SGCD: variants seen among roughly 807,000 people sequenced by gnomAD.
SGCD encodes sarcoglycan delta, also known as delta-sarcoglycan.
In SGCD, 18 loss-of-function variants were observed where a neutral mutation model predicts 36.6. That is an observed-to-expected ratio of 0.49 (90% CI 0.34 to 0.73). SGCD has a LOEUF of 0.73. Ranked by LOEUF, SGCD falls within the 30% of genes least tolerant of loss-of-function variation. The probability of loss-of-function intolerance (pLI) is 0.01; values close to 1 mark genes in which losing one functional copy is unlikely to be tolerated. For synonymous variants in SGCD, 133 were observed against 130.6 expected, an observed-to-expected ratio of 1.02 and a Z score of -0.12; for missense variants, 387 against 346.7, an observed-to-expected ratio of 1.12 and a Z score of -0.92.
chr5:156,535,165 T>G (rs10515740), intron 4 of SGCD, among the ~76,000 whole-genome samples: 18,765 of 152,254 alleles, frequency 0.12, 1,327 homozygotes, highest in Admixed American at 0.17. Context: ...TCAGAGATTT[T>G]TTTTCAGAAT....
intron 1 of SGCD, among the ~76,000 whole-genome samples, chr5:156,116,918 G>T (rs957945539): frequency 2.6e-5 from 4 of 152,158 alleles, no homozygotes; most frequent in East Asian, 1.9e-4. Flanking sequence ...TGGCTTGGGG[G>T]TTGGGCAGTA....
intron 4 of SGCD, among the ~76,000 whole-genome samples, chr5:156,524,225 AAG>A (rs1169961958): frequency 1.1e-4 from 13 of 118,030 alleles, no homozygotes; most frequent in African/African-American, 3.7e-4. Context: ...TATATATATA[AAG>A]AGAGAGTAAT....
At chr5:155,834,806 A>G in the SGCD span, among the ~76,000 whole-genome samples, 1 of 149,742 alleles carries the variant, frequency 6.7e-6, no homozygotes, top group Non-Finnish European at 1.5e-5. Context: ...CCACCCTACC[A>G]GTTGTCTGTG....
chr5:156,109,557 A>G (rs531570868), intron 1 of SGCD, among the ~76,000 whole-genome samples: 1 of 152,290 alleles, frequency 6.6e-6, no homozygotes, highest in Non-Finnish European at 1.5e-5. Flanking sequence ...TCCTCAAAAT[A>G]TGCAACTCAT....
intron 3 of SGCD, among the ~76,000 whole-genome samples, chr5:156,388,485 G>T (rs752339905): frequency 1.1e-4 from 17 of 152,186 alleles, no homozygotes; most frequent in East Asian, 1.9e-4. Flanking sequence ...ATTTGCAAGG[G>T]CCTGAAGGTA....
At chr5:156,249,687 G>A (rs1229295804) in intron 3 of SGCD, among the ~76,000 whole-genome samples, 1 of 150,106 alleles carries the variant, frequency 6.7e-6, no homozygotes, top group Non-Finnish European at 1.5e-5. Flanking sequence ...AAAGGAATTG[G>A]GATAAAACAA....
chr5:155,834,892 G>A, the SGCD span, among the ~76,000 whole-genome samples: 2 of 150,384 alleles, frequency 1.3e-5, no homozygotes, highest in African/African-American at 4.9e-5. Context: ...CTGCAGTGCA[G>A]TGGTGCAGTC....
At chr5:155,841,010 C>CAAA in the SGCD span, among the ~76,000 whole-genome samples, 29,207 of 60,804 alleles carry the variant, frequency 0.48, 8,323 homozygotes, top group Admixed American at 0.61. Flanking sequence ...GACTCCATCT[C>CAAA]AAAAAAAAAA....
chr5:155,828,090 A>G, the SGCD span, among the ~76,000 whole-genome samples: 2 of 152,082 alleles, frequency 1.3e-5, no homozygotes, highest in African/African-American at 4.8e-5. Flanking sequence ...TAGTTTCACT[A>G]CTTATTGACT....
intron 8 of SGCD, among the ~76,000 whole-genome samples, chr5:156,758,401 T>TAAG (rs1757417500): frequency 1.3e-5 from 2 of 151,888 alleles, no homozygotes; most frequent in South Asian, 4.2e-4. Flanking sequence ...TTTTTTTTTT[T>TAAG]TAAGAAAAAT....
chr5:156,143,180 G>C (rs376910296), intron 3 of SGCD, among the ~76,000 whole-genome samples: 1 of 152,386 alleles, frequency 6.6e-6, no homozygotes, highest in South Asian at 2.1e-4. Flanking sequence ...CTGCTTCAAA[G>C]AGTGCAAACT....
At chr5:155,861,998 A>G in the SGCD span, among the ~76,000 whole-genome samples, 3 of 152,248 alleles carry the variant, frequency 2.0e-5, no homozygotes, top group East Asian at 5.8e-4. Context: ...AGAGAGAAAG[A>G]AGAATGTAAG....
At chr5:156,034,472 T>C (rs373658894) in intron 1 of SGCD, among the ~76,000 whole-genome samples, 1 of 152,220 alleles carries the variant, frequency 6.6e-6, no homozygotes, top group East Asian at 1.9e-4. Context: ...TGTGGCCATT[T>C]AGCTTTCCTA....
rs147378820 is a variant in SGCD, at chr5:156,007,153, G to A, written c.-281-110725G>A. 8.5e-5 allele frequency among the ~76,000 whole-genome samples: 13 copies of A among 152,206 alleles called. No homozygotes were observed. In the East Asian group the frequency reaches 2.5e-3, roughly 30 times the overall value. On this transcript the variant is annotated intron_variant, in intron 1 of 9. Coordinates refer to the SGCD transcript ENST00000517913. The stretch of plus-strand genomic sequence containing the variant: ...CTCACCCCTAATCCTTCGGTAAAGG[G>A]TTGACCCCTGGCTGGCAGGAGCCCC...
intron 3 of SGCD, among the ~76,000 whole-genome samples, chr5:156,185,510 G>A (rs1389644012): frequency 6.6e-6 from 1 of 151,852 alleles, no homozygotes; most frequent in African/African-American, 2.4e-5. Context: ...CACCGCGCCT[G>A]GCCTCTTTTA....
At chr5:156,290,193 A>G (rs1766720961) in intron 3 of SGCD, among the ~76,000 whole-genome samples, 1 of 152,054 alleles carries the variant, frequency 6.6e-6, no homozygotes, top group African/African-American at 2.4e-5. Context: ...TATTACCTGT[A>G]TTTTACAGTT....
chr5:156,309,283 C>T (rs1390563126), intron 3 of SGCD, among the ~76,000 whole-genome samples: 2 of 152,108 alleles, frequency 1.3e-5, no homozygotes, highest in Admixed American at 6.5e-5. Flanking sequence ...TATTTATCTG[C>T]TTGAAGATGT....
intron 7 of SGCD, among the ~76,000 whole-genome samples, chr5:156,672,516 A>G (rs1753338588): frequency 6.6e-6 from 1 of 152,156 alleles, no homozygotes; most frequent in Non-Finnish European, 1.5e-5. Context: ...TACAGCTTGA[A>G]TCAACCCACA....
At chr5:156,325,152 T>C (rs1436148982), upstream of SGCD, among the ~76,000 whole-genome samples, 2 of 152,064 alleles carry the variant, frequency 1.3e-5, no homozygotes, top group Non-Finnish European at 2.9e-5. Flanking sequence ...AGTGTTATAT[T>C]TAGGGAATAA....
Sources: allele counts gnomAD v4.1 joint callset (sites outside exome capture counted in the v4.1 genomes callset), GRCh38; gene constraint gnomAD v4.1.1; transcripts MANE v1.5; gene names NCBI Gene and HGNC (gene_info 2026-07-23, HGNC 2026-07-21).